FMN2: variants seen among roughly 807,000 people sequenced by gnomAD.
FMN2 encodes formin-2.
Under a neutral mutation model 142.3 loss-of-function variants are expected in FMN2, and 51 were observed. That is an observed-to-expected ratio of 0.36 (90% CI 0.29 to 0.45). The LOEUF (loss-of-function observed/expected upper bound fraction) is 0.45. FMN2 is among the 20% of genes least tolerant of loss of function. The pLI is 1.00. For missense variants in FMN2, 1,936 were observed against 2,122.8 expected (o/e 0.91, Z 1.73); for synonymous variants, 882 against 869.8 (o/e 1.01, Z -0.25).
intron 1 of FMN2, among the ~76,000 whole-genome samples, chr1:240,106,873 G>A (rs566304915): frequency 2.4e-4 from 36 of 151,526 alleles, no homozygotes; most frequent in Non-Finnish European, 4.6e-4. Flanking sequence ...TAGTAGAGAC[G>A]AGGTTTCACC....
intron 15 of FMN2, among the ~76,000 whole-genome samples, chr1:240,406,888 A>T (rs976006408): frequency 1.3e-5 from 2 of 152,208 alleles, no homozygotes; most frequent in African/African-American, 4.8e-5. Context: ...AAGCTTACAG[A>T]TATAACCATC....
At chr1:240,418,093 A>T (rs925206708) in intron 15 of FMN2, among the ~76,000 whole-genome samples, 6 of 152,074 alleles carry the variant, frequency 3.9e-5, no homozygotes, top group Non-Finnish European at 8.8e-5. Flanking sequence ...ATAGTGATTA[A>T]GACATGTCAT....
At chr1:240,098,333 C>T (rs1252505198) in intron 1 of FMN2, among the ~76,000 whole-genome samples, 3 of 151,940 alleles carry the variant, frequency 2.0e-5, no homozygotes, top group African/African-American at 7.3e-5. Flanking sequence ...AACTCCTGAC[C>T]TCAGGTGTTC....
chr1:240,095,640 T>A (rs1201921472), intron 1 of FMN2, among the ~76,000 whole-genome samples: 1 of 151,958 alleles, frequency 6.6e-6, no homozygotes, highest in Non-Finnish European at 1.5e-5. Context: ...GCTTATCTGC[T>A]TGGTGGCAAG....
intron 6 of FMN2, 124 bp downstream of exon 6, chr1:240,211,359 A>G: frequency 1.1e-6 from 1 of 885,380 alleles, no homozygotes; most frequent in Non-Finnish European, 1.8e-6. Context: ...GGCAGACAGC[A>G]AGGGTTAGAA....
intron 6 of FMN2, among the ~76,000 whole-genome samples, chr1:240,243,690 AT>A (rs1245931597): frequency 2.0e-5 from 3 of 152,212 alleles, no homozygotes; most frequent in Non-Finnish European, 4.4e-5. Flanking sequence ...CATATGGATT[AT>A]TAACTGTATT....
chr1:240,215,741 C>T (rs189020471), intron 6 of FMN2, among the ~76,000 whole-genome samples: 9 of 152,144 alleles, frequency 5.9e-5, no homozygotes, highest in East Asian at 1.9e-4. Flanking sequence ...TGGAGTCTCA[C>T]TCTGTTGCCC....
intron 2 of FMN2, chr1:240,143,672 C>A (rs1663293601): frequency 1.2e-6 from 2 of 1,609,258 alleles, no homozygotes; most frequent in Non-Finnish European, 1.7e-6. Flanking sequence ...TCGATGGCCT[C>A]ACCCTTCCCC....
chr1:240,299,195 G>T (rs1001006812), intron 8 of FMN2, among the ~76,000 whole-genome samples: 1 of 151,974 alleles, frequency 6.6e-6, no homozygotes, highest in African/African-American at 2.4e-5. Context: ...TGATCCACCC[G>T]CCTCGACCTT....
At chr1:240,191,908 A>T (rs1410557432) in intron 4 of FMN2, among the ~76,000 whole-genome samples, 1 of 152,200 alleles carries the variant, frequency 6.6e-6, no homozygotes, top group East Asian at 1.9e-4. Flanking sequence ...AGGTAATTGA[A>T]AGTCAGGTCT....
chr1:240,413,385 C>T (rs768808166), intron 15 of FMN2, among the ~76,000 whole-genome samples: 2 of 151,906 alleles, frequency 1.3e-5, no homozygotes, highest in Admixed American at 6.6e-5. Context: ...ATAGGAGTGA[C>T]ATGAGAACTG....
At chr1:240,257,113 C>G (rs1273763741) in intron 6 of FMN2, among the ~76,000 whole-genome samples, 1 of 152,038 alleles carries the variant, frequency 6.6e-6, no homozygotes, top group Non-Finnish European at 1.5e-5. Flanking sequence ...AAAATGCTGC[C>G]CCTCACACGA....
chr1:240,165,244 T>C (rs1002456541), intron 2 of FMN2, among the ~76,000 whole-genome samples: 4 of 152,196 alleles, frequency 2.6e-5, no homozygotes, highest in African/African-American at 9.7e-5. Context: ...GGTGCGATCA[T>C]AGCTCACTGC....
At chr1:240,448,817 T>C (rs1572326910) in intron 16 of FMN2, among the ~76,000 whole-genome samples, 1 of 11,632 alleles carries the variant, frequency 8.6e-5, no homozygotes, top group African/African-American at 3.1e-4. Flanking sequence ...CAAGACCCTG[T>C]TTTAAAAAAA....
At chr1:240,273,013 T>C (rs1669074609) in intron 7 of FMN2, among the ~76,000 whole-genome samples, 1 of 147,042 alleles carries the variant, frequency 6.8e-6, no homozygotes, top group African/African-American at 2.6e-5. Flanking sequence ...CTCCGATAGA[T>C]TATAAAGGAA....
intron 14 of FMN2, among the ~76,000 whole-genome samples, chr1:240,381,249 G>A (rs1673218040): frequency 2.0e-5 from 3 of 152,256 alleles, no homozygotes; most frequent in African/African-American, 7.2e-5. Flanking sequence ...TATCTCTGAT[G>A]AGCATAGATG....
intron 1 of FMN2, among the ~76,000 whole-genome samples, chr1:240,106,710 G>A (rs1661622964): frequency 6.6e-6 from 1 of 150,458 alleles, no homozygotes; most frequent in Admixed American, 6.6e-5. Flanking sequence ...TTGAGACAGA[G>A]TTTTTGCTCT....
chr1:240,116,648 T>G (rs1001571915), intron 1 of FMN2, among the ~76,000 whole-genome samples: 8 of 152,060 alleles, frequency 5.3e-5, no homozygotes, highest in Admixed American at 1.3e-4. Flanking sequence ...CCCAGCACTT[T>G]GGGAGGTTGA....
chr1:240,296,941 C>CAATGA (rs1425827385), intron 8 of FMN2, among the ~76,000 whole-genome samples: 2 of 152,098 alleles, frequency 1.3e-5, no homozygotes, highest in African/African-American at 4.8e-5. Context: ...ATTCACATTC[C>CAATGA]AATGAAATTG....
Sources: allele counts gnomAD v4.1 joint callset (sites outside exome capture counted in the v4.1 genomes callset), GRCh38; gene constraint gnomAD v4.1.1; transcripts MANE v1.5; gene names NCBI Gene and HGNC (gene_info 2026-07-23, HGNC 2026-07-21).